ATG16L1: variants seen among roughly 807,000 people sequenced by gnomAD.
ATG16L1 encodes autophagy-related protein 16-1.
ATG16L1 carries 37 observed loss-of-function variants against 88.5 expected under a neutral mutation model. The ratio of observed to expected loss-of-function variants is 0.42; its 90% CI spans 0.32 to 0.55. ATG16L1 has a LOEUF of 0.55. Among genes scored for constraint, ATG16L1 ranks in the 20% least tolerant of loss-of-function variants. The probability of loss-of-function intolerance (pLI) is 0.13; values close to 1 mark genes in which losing one functional copy is unlikely to be tolerated. For synonymous variants in ATG16L1, 301 were observed against 281.0 expected (o/e 1.07, Z -0.71); for missense variants, 554 against 752.8 (o/e 0.74, Z 3.09).
At chr2:233,286,643 T>TTTTTTTTTTG (rs1553608374) in intron 12 of ATG16L1, among the ~76,000 whole-genome samples, 10 of 138,952 alleles carry the variant, frequency 7.2e-5, no homozygotes, top group African/African-American at 1.7e-4. Flanking sequence ...TTTTTTTTTT[T>TTTTTTTTTTG]GAGACAGTGT....
chr2:233,257,717 T>C (rs533204989), intron 2 of ATG16L1, among the ~76,000 whole-genome samples: 2 of 152,202 alleles, frequency 1.3e-5, no homozygotes, highest in South Asian at 4.1e-4. Context: ...TAGAAAAATA[T>C]CAGTGTGTGC....
intron 1 of ATG16L1, among the ~76,000 whole-genome samples, chr2:233,253,888 T>G (rs1052648475): frequency 2.0e-5 from 3 of 152,182 alleles, no homozygotes; most frequent in African/African-American, 7.2e-5. Flanking sequence ...ATCAGTTCAT[T>G]AGGTGCTTAT....
chr2:233,289,326 C>G (rs1262895390), intron 12 of ATG16L1, among the ~76,000 whole-genome samples: 10 of 150,764 alleles, frequency 6.6e-5, no homozygotes, highest in Admixed American at 6.6e-4. Flanking sequence ...AGATACATGG[C>G]CCCTGGATAA....
chr2:233,276,757 G>A (rs1000881910), intron 9 of ATG16L1, among the ~76,000 whole-genome samples: 4 of 152,226 alleles, frequency 2.6e-5, no homozygotes, highest in African/African-American at 7.2e-5. Context: ...GATCACAGAT[G>A]TGTGCCACTG....
At chr2:233,289,156 G>T (rs774973124) in intron 12 of ATG16L1, among the ~76,000 whole-genome samples, 8 of 152,166 alleles carry the variant, frequency 5.3e-5, no homozygotes, top group Non-Finnish European at 1.2e-4. Context: ...GGTATCTGTG[G>T]TAGAGCTGAT....
At chr2:233,275,801 C>A (rs1376162271) in intron 9 of ATG16L1, 1 of 519,224 alleles carries the variant, frequency 1.9e-6, no homozygotes, top group Non-Finnish European at 3.8e-6. Flanking sequence ...CTCCCAGCAG[C>A]CCATTTTTTC....
chr2:233,274,179 G>A, intron 8 of ATG16L1: 1 of 913,650 alleles, frequency 1.1e-6, no homozygotes, highest in Non-Finnish European at 1.7e-6. Flanking sequence ...GGAATGCCGG[G>A]AGCCCTCAGA....
At chr2:233,269,636 G>A (rs895915317) in intron 5 of ATG16L1, among the ~76,000 whole-genome samples, 1 of 152,194 alleles carries the variant, frequency 6.6e-6, no homozygotes, top group African/African-American at 2.4e-5. Context: ...TGCTCAACCC[G>A]TGTAAGACTA....
At chr2:233,277,361 T>C in intron 9 of ATG16L1, 1 of 485,992 alleles carries the variant, frequency 2.1e-6, no homozygotes, top group Middle Eastern at 4.8e-4. Flanking sequence ...AAGGTTGCAC[T>C]GCACTCTAAT....
chr2:233,273,893 T>C (rs1307655731), intron 8 of ATG16L1, 116 bp downstream of exon 8: 5 of 1,507,296 alleles, frequency 3.3e-6, no homozygotes, highest in Middle Eastern at 1.7e-4. Flanking sequence ...AGTATACATA[T>C]GCCTTAATAT....
At chr2:233,270,967 C>T (rs1036838811) in intron 6 of ATG16L1, among the ~76,000 whole-genome samples, 6 of 152,182 alleles carry the variant, frequency 3.9e-5, no homozygotes, top group Non-Finnish European at 8.8e-5. Flanking sequence ...CACCAACTAA[C>T]GTCTTAATTT....
intron 8 of ATG16L1, chr2:233,274,060 C>A (rs1046456818): frequency 1.2e-5 from 19 of 1,547,330 alleles, no homozygotes; most frequent in African/African-American, 2.7e-5. Context: ...ATTATCCTCT[C>A]TTAGTCCAGC....
chr2:233,267,745 G>A (rs2125234473), intron 5 of ATG16L1, among the ~76,000 whole-genome samples: 1 of 152,352 alleles, frequency 6.6e-6, no homozygotes, highest in South Asian at 2.1e-4. Context: ...TCAGCTGAGA[G>A]GCTGCTGGAG....
rs552280291 is a variant in ATG16L1, at chr2:233,261,825, A to C, written c.210-1305A>C. ...CACAGTTCTAGTTGTCTTCTGCTGT[A>C]TCTGAGATATTATGCAAACACTTGG... On this transcript the variant is annotated intron_variant, in intron 2 of 17. Coordinates refer to ENST00000392017, the MANE Select transcript of ATG16L1 (RefSeq NM_030803.7). Among the ~76,000 whole-genome samples, 10 of 152,326 alleles carry C rather than the reference A, an allele frequency of 6.6e-5. No homozygotes were observed. In the South Asian group the frequency reaches 1.2e-3, roughly 19 times the overall value.
chr2:233,261,635 G>A (rs1220627791), intron 2 of ATG16L1, among the ~76,000 whole-genome samples: 1 of 151,538 alleles, frequency 6.6e-6, no homozygotes, highest in Non-Finnish European at 1.5e-5. Flanking sequence ...GTCATATGGA[G>A]GGGGCAGTTC....
chr2:233,276,009 G>T lies in ATG16L1; in HGVS notation c.954+1231G>T, dbSNP rs1256751347. On this transcript the variant is annotated intron_variant, in intron 9 of 17. Coordinates refer to ENST00000392017, the MANE Select transcript of ATG16L1 (RefSeq NM_030803.7). ...AAGTTTTCAATCTGAGACCTCCTAA[G>T]GAGAAAGAAACCATAAAAAAGAAAA... is the stretch of plus-strand genomic sequence containing the variant. 3.9e-6 allele frequency: 2 copies of T among 511,846 alleles called. 1 individual carries two copies. The highest frequency in any genetic ancestry group is 7.8e-6 in the Non-Finnish European group (2 of 255,304). 31.7% of individuals were successfully genotyped at this position (511,846 alleles called of 1,614,324 possible).
chr2:233,276,178 C>T (rs1011393899), intron 9 of ATG16L1, among the ~76,000 whole-genome samples: 6 of 152,136 alleles, frequency 3.9e-5, no homozygotes, highest in African/African-American at 1.4e-4. Flanking sequence ...CGTGATACTT[C>T]AAGCATTTTA....
rs1553610189 is a variant in ATG16L1, at chr2:233,294,829, CG to C, written c.*480del. The C allele has an allele frequency of 1.3e-5, 2 of 153,084 alleles. No homozygotes were observed. Among genetic ancestry groups the C allele is most frequent in the Non-Finnish European group, 2.9e-5 (2 of 68,286 alleles). The allele number at this position is 153,084 out of a possible 1,614,324, so 9.5% of individuals were successfully genotyped here. Reference sequence around the variant, plus strand: ...TAAGCATTGGATTAACGGAAACTCCCGAACTACAGACCCCTCCCTGGTGGGT... The same window carrying C: ...TAAGCATTGGATTAACGGAAACTCCCAACTACAGACCCCTCCCTGGTGGGT... On this transcript the variant is annotated 3_prime_UTR_variant, in exon 18 of 18. Transcript: ENST00000392017.
chr2:233,256,506 T>A (rs1394525122), intron 2 of ATG16L1, among the ~76,000 whole-genome samples: 1 of 152,180 alleles, frequency 6.6e-6, no homozygotes, highest in Non-Finnish European at 1.5e-5. Context: ...TCTTTGTTTT[T>A]AAATAATCAC....
Sources: gnomAD v4.1 joint callset for allele counts (sites outside exome capture counted in the v4.1 genomes callset) on GRCh38, gnomAD v4.1.1 for gene constraint, MANE v1.5 for transcripts, NCBI Gene and HGNC (gene_info 2026-07-23, HGNC 2026-07-21) for gene names.